The following GMPS variants were observed in gnomAD, a reference collection of about 807,000 sequenced individuals.
GMPS encodes guanosine monophosphate synthase.
Under a neutral mutation model 77.9 loss-of-function variants are expected in GMPS, and 15 were observed. The observed-to-expected ratio is 0.19, with a 90% CI of 0.13 to 0.30. The LOEUF is 0.30. Ranked by LOEUF, GMPS falls within the 10% of genes least tolerant of loss-of-function variation. The pLI is 1.00. For missense variants in GMPS, 590 were observed against 838.8 expected (o/e 0.70, Z 3.66); for synonymous variants, 224 against 275.9 (o/e 0.81, Z 1.86).
At chr3:155,924,104 T>A (rs1755393158) in intron 11 of GMPS, among the ~76,000 whole-genome samples, 1 of 152,174 alleles carries the variant, frequency 6.6e-6, no homozygotes, top group South Asian at 2.1e-4. Context: ...AGTCTCAAAC[T>A]CCCGACCTCA....
At position 155,919,275 on chromosome 3, in the gene GMPS, G is replaced by A; in HGVS notation, c.1255G>A (p.Val419Met). The A allele has an allele frequency of 6.3e-7, 1 of 1,596,558 alleles. No individual in the cohort carries two copies. The highest frequency in any genetic ancestry group is 1.3e-5 in the African/African-American group (1 of 74,800). The change falls in exon 10 of 16, where the codon GTG becomes ATG. Residue 419 changes from valine to methionine, a missense_variant. Physicochemically the swap from Val to Met is conservative, Grantham distance 21 (BLOSUM62 1). Transcript: ENST00000496455. Reference sequence around the variant, plus strand: ...TCTGAAAGATTTTCATAAAGATGAAGTGAGAATTTTGGGCAGAGAACTTGG... The same window carrying A: ...TCTGAAAGATTTTCATAAAGATGAAATGAGAATTTTGGGCAGAGAACTTGG... ...EPLKDFHKDE[V>M]RILGRELGLP...
At chr3:155,918,809 A>G (rs1406731398) in intron 9 of GMPS, among the ~76,000 whole-genome samples, 1 of 152,054 alleles carries the variant, frequency 6.6e-6, no homozygotes, top group Non-Finnish European at 1.5e-5. Context: ...TTCTTTATAT[A>G]TTCTGGTTAC....
At chr3:155,916,862 A>G (rs545780311) in intron 9 of GMPS, among the ~76,000 whole-genome samples, 1 of 152,308 alleles carries the variant, frequency 6.6e-6, no homozygotes, top group East Asian at 1.9e-4. Context: ...ACAATTTTAC[A>G]TTCGCACTAG....
intron 9 of GMPS, among the ~76,000 whole-genome samples, chr3:155,916,507 G>A (rs1755183237): frequency 6.6e-6 from 1 of 152,066 alleles, no homozygotes; most frequent in Non-Finnish European, 1.5e-5. Context: ...TATATAAATG[G>A]AATGGTACAA....
At chr3:155,881,561 T>G (rs12633671) in intron 1 of GMPS, among the ~76,000 whole-genome samples, 1 of 152,344 alleles carries the variant, frequency 6.6e-6, no homozygotes, top group East Asian at 1.9e-4. Context: ...AATTGTACTG[T>G]GGCATTTCAG....
Position 155,880,384 on chromosome 3 carries a change from C to T in GMPS, c.27+9487C>T, listed in dbSNP as rs201973007. ...GAGTGCCCCTGAAGGCTGAGGGTAACAGTTGCTCATTGTGGTAGTATCTTT... is the reference window on the plus strand; with the variant it reads ...GAGTGCCCCTGAAGGCTGAGGGTAATAGTTGCTCATTGTGGTAGTATCTTT... On this transcript the variant is annotated intron_variant, in intron 1 of 15. Transcript: ENST00000496455. 3.9e-5 allele frequency among the ~76,000 whole-genome samples: 6 copies of T among 152,276 alleles called. No homozygotes were observed. In the East Asian group the frequency reaches 1.2e-3, roughly 29 times the overall value.
intron 1 of GMPS, among the ~76,000 whole-genome samples, chr3:155,883,165 A>G (rs1000967816): frequency 1.3e-5 from 2 of 152,066 alleles, no homozygotes; most frequent in Admixed American, 6.6e-5. Flanking sequence ...TCTGCCTCCT[A>G]GGTTCAAGCC....
intron 15 of GMPS, among the ~76,000 whole-genome samples, chr3:155,936,749 T>C (rs1458909411): frequency 6.6e-6 from 1 of 152,210 alleles, no homozygotes; most frequent in African/African-American, 2.4e-5. Flanking sequence ...ATTATAATTT[T>C]ATCTAATCCT....
At chr3:155,915,917 C>G (rs1755165131) in intron 8 of GMPS, 102 bp from the exon 9 acceptor site, 1 of 693,438 alleles carries the variant, frequency 1.4e-6, no homozygotes. Flanking sequence ...ATTTTCTGAT[C>G]AGTATTTCTA....
At chr3:155,930,021 T>A (rs1450570876) in intron 12 of GMPS, among the ~76,000 whole-genome samples, 5 of 145,436 alleles carry the variant, frequency 3.4e-5, no homozygotes, top group African/African-American at 1.3e-4. Flanking sequence ...CTAAAGTTCA[T>A]ATGGAACCAA....
Position 155,898,008 on chromosome 3 carries a change from C to A in GMPS, c.291C>A (p.Gly97=). The A allele has an allele frequency of 6.2e-7, 1 of 1,608,162 alleles. No homozygotes were observed. Among genetic ancestry groups the A allele is most frequent in the Non-Finnish European group, 8.5e-7 (1 of 1,174,660 alleles). ...TTGATCCAGCAATATTCACTATTGG[C>A]AAGCCTGTTCTTGGAATTTGCTATG... ...PWFDPAIFTI[G]KPVLGICYGM... The change falls in exon 3 of 16, where the codon GGC becomes GGA. Residue 97 remains glycine, a synonymous_variant. Transcript: ENST00000496455.
intron 1 of GMPS, among the ~76,000 whole-genome samples, chr3:155,892,735 G>A (rs1337314819): frequency 4.6e-5 from 7 of 152,174 alleles, no homozygotes; most frequent in Admixed American, 3.9e-4. Flanking sequence ...GGGTTCAAGC[G>A]ATTCTCCTGC....
At position 155,939,321 on chromosome 3, in the gene GMPS, C is replaced by T; in HGVS notation, c.*1629C>T. ...AATAGACAACCTATAAAATGCTTAC[C>T]AACATGTGTCAGTACACGTTTATGT... On this transcript the variant is annotated 3_prime_UTR_variant, in exon 16 of 16. Transcript: ENST00000496455. The T allele has an allele frequency of 4.7e-6, 1 of 213,490 alleles. No individual in the cohort carries two copies. The highest frequency in any genetic ancestry group is 9.5e-6 in the Non-Finnish European group (1 of 105,612). 13.2% of individuals were successfully genotyped at this position (213,490 alleles called of 1,614,324 possible).
intron 1 of GMPS, among the ~76,000 whole-genome samples, chr3:155,873,018 T>G (rs1753941179): frequency 6.6e-6 from 1 of 152,186 alleles, no homozygotes; most frequent in African/African-American, 2.4e-5. Context: ...GTAGGAGTCT[T>G]ATTTTCCATA....
chr3:155,912,211 C>T (rs1371606122), intron 7 of GMPS, among the ~76,000 whole-genome samples: 1 of 152,136 alleles, frequency 6.6e-6, no homozygotes, highest in East Asian at 1.9e-4. Flanking sequence ...GAACATGAGT[C>T]TATTTTTTTG....
intron 12 of GMPS, 125 bp downstream of exon 12, chr3:155,925,491 G>C (rs887850750): frequency 3.3e-6 from 2 of 601,138 alleles, no homozygotes; most frequent in Non-Finnish European, 2.8e-6. Flanking sequence ...TGCAACCTCC[G>C]CCTCCTGGGT....
Position 155,893,714 on chromosome 3 carries a change from A to G in GMPS, c.209+15A>G, listed in dbSNP as rs890055329. The G allele has an allele frequency of 1.4e-6, 2 of 1,479,672 alleles. No homozygotes were observed. The highest frequency in any genetic ancestry group is 1.9e-6 in the Non-Finnish European group (2 of 1,072,972). 91.7% of individuals were successfully genotyped at this position (1,479,672 alleles called of 1,614,324 possible). On this transcript the variant is annotated intron_variant, in intron 2 of 15. Transcript: ENST00000496455. ...CAAGGATTCCGGTAGACTTTTCACTAATCTTTTCATGAGGAGATTGAACTT... is the reference window on the plus strand; with the variant it reads ...CAAGGATTCCGGTAGACTTTTCACTGATCTTTTCATGAGGAGATTGAACTT...
At chr3:155,937,325 A>G (rs2091988336) in intron 15 of GMPS, among the ~76,000 whole-genome samples, 6 of 152,210 alleles carry the variant, frequency 3.9e-5, no homozygotes, top group Admixed American at 1.3e-4. Flanking sequence ...AGTCACAAAC[A>G]CAACTTGCAG....
intron 3 of GMPS, among the ~76,000 whole-genome samples, chr3:155,900,069 T>C (rs1218659999): frequency 6.6e-6 from 1 of 152,210 alleles, no homozygotes; most frequent in African/African-American, 2.4e-5. Context: ...AAAGGTGCTA[T>C]GAACATCCAT....
Sources: gnomAD v4.1 joint callset for allele counts (sites outside exome capture counted in the v4.1 genomes callset) on GRCh38, gnomAD v4.1.1 for gene constraint, MANE v1.5 for transcripts, NCBI Gene and HGNC (gene_info 2026-07-23, HGNC 2026-07-21) for gene names.